Variants in MYPN observed in about 807,000 individuals in gnomAD.
The protein encoded by MYPN is sarcomeric protein myopalladin, 145 kDa (MYOP).
A neutral mutation model predicts 129.4 loss-of-function variants in MYPN; 63 were observed. That is an observed-to-expected ratio of 0.49 (90% CI 0.40 to 0.60). MYPN has a LOEUF of 0.60. Ranked by LOEUF, MYPN falls within the 20% of genes least tolerant of loss-of-function variation. The probability of loss-of-function intolerance (pLI) is 0.00; values close to 1 mark genes in which losing one functional copy is unlikely to be tolerated. For synonymous variants in MYPN, 629 were observed against 600.9 expected (o/e 1.05, Z -0.68); for missense variants, 1,596 against 1,635.4 (o/e 0.98, Z 0.42).
chr10:68,154,830 A>G (rs928447720), intron 6 of MYPN, among the ~76,000 whole-genome samples: 1 of 152,228 alleles, frequency 6.6e-6, no homozygotes, highest in African/African-American at 2.4e-5. Context: ...TCACGTTTAT[A>G]GCAGTGGGCA....
At chr10:68,171,146 CAAAAAAAA>C (rs10656004) in intron 10 of MYPN, among the ~76,000 whole-genome samples, 1 of 132,822 alleles carries the variant, frequency 7.5e-6, no homozygotes, top group Non-Finnish European at 1.6e-5. Context: ...AAGACTCTGT[CAAAAAAAA>C]AAAAGAAAGA....
chr10:68,150,932 T>C (rs1290721525), intron 6 of MYPN, among the ~76,000 whole-genome samples: 1 of 152,208 alleles, frequency 6.6e-6, no homozygotes, highest in East Asian at 1.9e-4. Context: ...CTCTTTGAAG[T>C]ATGCTTTGGT....
rs77243153 is a variant in MYPN, at chr10:68,146,293, G to A, written c.1130+767G>A. Among the ~76,000 whole-genome samples, 1,014 of 152,146 alleles carry A rather than the reference G, an allele frequency of 6.7e-3. 13 individuals carry two copies. Among genetic ancestry groups the A allele is most frequent in the African/African-American group, 0.023 (967 of 41,478 alleles). On this transcript the variant is annotated intron_variant, in intron 4 of 19. Coordinates refer to ENST00000358913, the MANE Select transcript of MYPN (RefSeq NM_032578.4). The stretch of plus-strand genomic sequence containing the variant: ...TTTGTTCAAGCTATTCACTTTGCTA[G>A]GATTGCCCTATCTTCTCTGTCTAGC...
intron 18 of MYPN, among the ~76,000 whole-genome samples, chr10:68,202,588 A>G (rs753881191): frequency 3.3e-5 from 5 of 152,226 alleles, no homozygotes; most frequent in Admixed American, 3.3e-4. Flanking sequence ...TTTTCCATCC[A>G]TCACTAAATG....
chr10:68,121,816 C>T lies in MYPN; in HGVS notation c.378C>T (p.Thr126=). 6.2e-7 allele frequency: 1 copy of T among 1,614,156 alleles called. No homozygotes were observed. Among genetic ancestry groups the T allele is most frequent in the East Asian group, 2.2e-5 (1 of 44,884 alleles). ...NFCQDNPRSP[T]SSKESPQEAK... is the part of the protein sequence containing the mutation. The stretch of plus-strand genomic sequence containing the variant: ...GCCAGGATAACCCTCGAAGTCCCAC[C>T]AGCTCTAAAGAAAGCCCCCAGGAGG... The change falls in exon 2 of 20, where the codon ACC becomes ACT. Residue 126 remains threonine (T), a synonymous_variant. Coordinates refer to ENST00000358913, the MANE Select transcript of MYPN (RefSeq NM_032578.4).
rs746314151 is a variant in MYPN, at chr10:68,199,396, C to T, written c.3314C>T (p.Thr1105Ile). 38 of 1,614,026 alleles carry T rather than the reference C, an allele frequency of 2.4e-5. No individual in the cohort carries two copies. In the South Asian group the frequency reaches 3.7e-4, roughly 16 times the overall value. The change falls in exon 17 of 20, where the codon ACA becomes ATA. Residue 1105 changes from threonine to isoleucine, a missense_variant. By Grantham distance (89) the Thr-to-Ile change is moderately conservative (BLOSUM62 -1). Coordinates refer to ENST00000358913, the MANE Select transcript of MYPN (RefSeq NM_032578.4). ...AGTGGTTTACCGCCCCCGGAGCTGA[C>T]ATGGCTACTCAATGGCCAACCTGTG... Reference protein sequence around the residue: ...KVSGLPPPELTWLLNGQPVLP... With the variant: ...KVSGLPPPELIWLLNGQPVLP...
At chr10:68,202,494 T>C (rs2043735265) in intron 18 of MYPN, among the ~76,000 whole-genome samples, 1 of 152,046 alleles carries the variant, frequency 6.6e-6, no homozygotes, top group Admixed American at 6.6e-5. Context: ...TTTTGTCCCA[T>C]GTCTTCAATT....
chr10:68,123,985 T>C (rs2042289853), intron 2 of MYPN, among the ~76,000 whole-genome samples: 1 of 152,228 alleles, frequency 6.6e-6, no homozygotes, highest in African/African-American at 2.4e-5. Flanking sequence ...TTATACACTT[T>C]CCATGTCAGC....
chr10:68,170,512 A>T (rs1312959764), intron 10 of MYPN, among the ~76,000 whole-genome samples: 1 of 152,176 alleles, frequency 6.6e-6, no homozygotes. Flanking sequence ...TTAACCTCAC[A>T]ACTTTGCATT....
At chr10:68,124,183 G>T (rs1017840438) in intron 2 of MYPN, among the ~76,000 whole-genome samples, 1 of 152,012 alleles carries the variant, frequency 6.6e-6, no homozygotes, top group Middle Eastern at 3.2e-3. Context: ...TGAGCTTCAG[G>T]TCCCACAAAA....
intron 10 of MYPN, among the ~76,000 whole-genome samples, chr10:68,171,902 C>G (rs2043150503): frequency 6.6e-6 from 1 of 152,358 alleles, no homozygotes. Context: ...CCAGCACACA[C>G]TGCCAGAAAT....
chr10:68,206,096 G>C (rs1329999910), intron 18 of MYPN, among the ~76,000 whole-genome samples: 2 of 152,158 alleles, frequency 1.3e-5, no homozygotes, highest in Non-Finnish European at 2.9e-5. Context: ...AAGAGGGCCA[G>C]GCCAACAAGG....
Position 68,136,737 on chromosome 10 carries a change from G to A in MYPN, c.903-6203G>A, listed in dbSNP as rs1333175427. ...ATGTTTCCACTCTCATTTTGGTAAGGACGAGAAATGTTCTCTAAATAATTT... is the reference window on the plus strand; with the variant it reads ...ATGTTTCCACTCTCATTTTGGTAAGAACGAGAAATGTTCTCTAAATAATTT... On this transcript the variant is annotated intron_variant, in intron 2 of 19. Coordinates refer to ENST00000358913, the MANE Select transcript of MYPN (RefSeq NM_032578.4). 2.0e-6 allele frequency: 3 copies of A among 1,534,736 alleles called. No individual in the cohort carries two copies. In the Admixed American group the frequency reaches 5.9e-5, roughly 30 times the overall value.
At chr10:68,208,248 A>G (rs1197020520) in intron 19 of MYPN, among the ~76,000 whole-genome samples, 1 of 152,190 alleles carries the variant, frequency 6.6e-6, no homozygotes, top group African/African-American at 2.4e-5. Context: ...AAATAAGACT[A>G]GCTCTGTCTA....
chr10:68,137,796 G>A (rs140933116), intron 2 of MYPN, among the ~76,000 whole-genome samples: 4 of 151,840 alleles, frequency 2.6e-5, no homozygotes, highest in African/African-American at 9.7e-5. Context: ...ACTTCCTTCA[G>A]TTTTGAGAAA....
Position 68,122,061 on chromosome 10 carries a change from G to A in MYPN, c.623G>A (p.Arg208Lys). ...TCAGATCTGTCAGAAAGACGAGAAA[G>A]ATCTTCTGTTCCCATCCCTATCCCT... ...SFSDLSERRE[R>K]SSVPIPIPAD... Residue 208 changes from arginine to lysine, a missense_variant, in exon 2 of 20, where the codon AGA becomes AAA. Arg to Lys is a conservative substitution (Grantham distance 26). Coordinates refer to ENST00000358913, the MANE Select transcript of MYPN (RefSeq NM_032578.4). The A allele has an allele frequency of 6.2e-7, 1 of 1,614,178 alleles. No individual in the cohort carries two copies. The highest frequency in any genetic ancestry group is 8.5e-7 in the Non-Finnish European group (1 of 1,180,030).
At chr10:68,118,854 G>C (rs1234825380) in intron 1 of MYPN, among the ~76,000 whole-genome samples, 2 of 149,256 alleles carry the variant, frequency 1.3e-5, no homozygotes, top group African/African-American at 5.0e-5. Context: ...GAGAAAGAGA[G>C]AGAGAGGGAG....
intron 6 of MYPN, among the ~76,000 whole-genome samples, chr10:68,157,628 G>A (rs1013315937): frequency 7.4e-6 from 1 of 135,492 alleles, no homozygotes; most frequent in African/African-American, 2.8e-5. Context: ...GAGCCCAGAA[G>A]TTTGACATCA....
At chr10:68,177,932 A>G (rs1034158550) in intron 12 of MYPN, among the ~76,000 whole-genome samples, 7 of 152,248 alleles carry the variant, frequency 4.6e-5, no homozygotes, top group African/African-American at 1.4e-4. Flanking sequence ...GAACATTTGC[A>G]TGATCTAGCA....
Sources: allele counts gnomAD v4.1 joint callset (sites outside exome capture counted in the v4.1 genomes callset), GRCh38; gene constraint gnomAD v4.1.1; transcripts MANE v1.5; gene names NCBI Gene and HGNC (gene_info 2026-07-23, HGNC 2026-07-21).